The following ST6GALNAC4 variants were observed in gnomAD, a reference collection of about 807,000 sequenced individuals.
ST6GALNAC4 encodes alpha-N-acetyl-neuraminyl-2,3-beta-galactosyl-1,3-N-acetyl-galactosaminide alpha-2,6-sialyltransferase.
A neutral mutation model predicts 30.4 loss-of-function variants in ST6GALNAC4; 24 were observed. The observed-to-expected ratio is 0.79, with a 90% CI of 0.57 to 1.11. The LOEUF (loss-of-function observed/expected upper bound fraction) is 1.11. Ranked by LOEUF, ST6GALNAC4 falls within the 50% of genes most tolerant of loss-of-function variation. The pLI, the probability that ST6GALNAC4 is intolerant of heterozygous loss-of-function variation, is 0.00. For missense variants in ST6GALNAC4, 365 were observed against 430.1 expected, an observed-to-expected ratio of 0.85 and a Z score of 1.34; for synonymous variants, 156 against 179.7, an observed-to-expected ratio of 0.87 and a Z score of 1.05.
chr9:127,915,536 G>A (rs1179331110), intron 2 of ST6GALNAC4, among the ~76,000 whole-genome samples: 1 of 152,260 alleles, frequency 6.6e-6, no homozygotes, highest in African/African-American at 2.4e-5. Context: ...GTGCCTGGAG[G>A]CTACCGCCTC....
At chr9:127,916,677 GC>G in intron 1 of ST6GALNAC4, 148 bp downstream of exon 1, 1 of 569,684 alleles carries the variant, frequency 1.8e-6, no homozygotes, top group Admixed American at 3.1e-5. Context: ...GCAGGAATCA[GC>G]GACGTTTGCG....
At chr9:127,912,973 G>A (rs990983210) in intron 3 of ST6GALNAC4, among the ~76,000 whole-genome samples, 24 of 152,320 alleles carry the variant, frequency 1.6e-4, no homozygotes, top group African/African-American at 4.3e-4. Context: ...GAGTCCTTAT[G>A]AGGTTTGCTT....
In ST6GALNAC4 at chr9:127,908,591, G is replaced by A. The variant is rs1358632287; in HGVS notation, c.720-10C>T. The A allele has an allele frequency of 4.5e-6, 7 of 1,563,348 alleles. No individual in the cohort carries two copies. The highest frequency in any genetic ancestry group is 2.3e-5 in the East Asian group (1 of 43,446). On this transcript the variant is annotated splice_polypyrimidine_tract_variant and intron_variant, in intron 5 of 5. Transcript: ENST00000335791. Reference sequence around the variant, plus strand: ...GGGGTGGCTCTTCTCCCTGCGGGGTGGGGAACAGGGCTGGGGTGGGACAGA... The same window carrying A: ...GGGGTGGCTCTTCTCCCTGCGGGGTAGGGAACAGGGCTGGGGTGGGACAGA...
chr9:127,912,918 G>A lies in ST6GALNAC4; in HGVS notation c.199-238C>T, dbSNP rs559530299. Among the ~76,000 whole-genome samples the A allele has an allele frequency of 6.6e-5, 10 of 152,316 alleles. No individual in the cohort carries two copies. The South Asian group carries it at 2.1e-3, about 32-fold the overall frequency. Reference sequence around the variant, plus strand: ...CACTTCCTCATCAGCCATATTTGTGGTCCTTATTCCTGTTGCTGCCTCTGA... The same window carrying A: ...CACTTCCTCATCAGCCATATTTGTGATCCTTATTCCTGTTGCTGCCTCTGA... On this transcript the variant is annotated intron_variant, in intron 3 of 5. Coordinates refer to ENST00000335791, the MANE Select transcript of ST6GALNAC4 (RefSeq NM_175039.4).
chr9:127,914,035 G>A (rs954944271), intron 3 of ST6GALNAC4, among the ~76,000 whole-genome samples: 2 of 151,946 alleles, frequency 1.3e-5, no homozygotes, highest in Admixed American at 6.6e-5. Flanking sequence ...AGCTGAGATC[G>A]CACTACTGCA....
chr9:127,908,680 T>C, intron 5 of ST6GALNAC4, 99 bp from the exon 6 acceptor site: 1 of 1,174,106 alleles, frequency 8.5e-7, no homozygotes, highest in Admixed American at 2.9e-5. Context: ...GCCCATGGGC[T>C]CGTGAAGACC....
intron 4 of ST6GALNAC4, chr9:127,910,375 G>A (rs1831049964): frequency 1.7e-6 from 2 of 1,143,542 alleles, no homozygotes; most frequent in South Asian, 4.0e-5. Context: ...CCTCATCTAA[G>A]GGACCAGGCC....
intron 4 of ST6GALNAC4, 140 bp from the exon 5 acceptor site, chr9:127,910,198 A>T: frequency 1.4e-6 from 2 of 1,410,738 alleles, no homozygotes; most frequent in Non-Finnish European, 1.9e-6. Context: ...GAGGCTGGGG[A>T]GGGGACAGAG....
rs1327181603 is a variant in ST6GALNAC4 at position 127,912,292 on chromosome 9, A to C, written c.587T>G (p.Phe196Cys). 6.2e-7 allele frequency: 1 copy of C among 1,611,882 alleles called. No individual in the cohort carries two copies. ...ERMMAYCDQI[F>C]QDETGKNRRQ... ...CCGGTTCTTGCCCGTCTCGTCCTGG[A>C]AGATCTGGTCGCAGTAGGCCATCAT... Residue 196 changes from phenylalanine to cysteine, a missense_variant, in exon 4 of 6, where the codon TTC (phenylalanine) becomes TGC (cysteine). Physicochemically the swap from Phe to Cys is radical, Grantham distance 205. Transcript: ENST00000335791.
chr9:127,910,432 T>A, intron 4 of ST6GALNAC4: 1 of 1,054,286 alleles, frequency 9.5e-7, no homozygotes, highest in Non-Finnish European at 1.1e-6. Flanking sequence ...TGAAGTCAGG[T>A]GGGGGTTCTC....
At position 127,910,187 on chromosome 9, in the gene ST6GALNAC4, G is replaced by A; in HGVS notation, c.612-129C>T. On this transcript the variant is annotated intron_variant, in intron 4 of 5. Coordinates refer to ENST00000335791, the MANE Select transcript of ST6GALNAC4 (RefSeq NM_175039.4). The stretch of plus-strand genomic sequence containing the variant: ...TCAACCTCTTGCGGGGGGCTCTGGG[G>A]GAGGCTGGGGAGGGGACAGAGCCAG... The A allele has an allele frequency of 4.8e-6, 7 of 1,453,666 alleles. No individual in the cohort carries two copies. The South Asian group carries it at 9.7e-5, about 20-fold the overall frequency. 90.0% of individuals were successfully genotyped at this position (1,453,666 alleles called of 1,614,324 possible).
rs759050965 is a variant in ST6GALNAC4, at chr9:127,908,561, A to C, written c.740T>G (p.Val247Gly). 5.0e-6 allele frequency: 8 copies of C among 1,585,614 alleles called. No individual in the cohort carries two copies. In the East Asian group the frequency reaches 1.8e-4, roughly 36 times the overall value. The stretch of plus-strand genomic sequence containing the variant: ...GCCCTTCTCAAAGTAGTGGTAAGGC[A>C]CTGAGGGGTGGCTCTTCTCCCTGCG... ...SYCREKSHPS[V>G]PYHYFEKGRL... Residue 247 changes from valine (V) to glycine (G), a missense_variant, in exon 6 of 6, where the codon GTG (valine) becomes GGG (glycine). Transcript: ENST00000335791.
chr9:127,910,611 C>T (rs1485260178), intron 4 of ST6GALNAC4: 1 of 989,780 alleles, frequency 1.0e-6, no homozygotes, highest in Non-Finnish European at 1.2e-6. Context: ...CCATGCCCCA[C>T]TCAGAGCAAG....
chr9:127,914,861 T>G lies in ST6GALNAC4; in HGVS notation c.13-20A>C. On this transcript the variant is annotated intron_variant, in intron 2 of 5. Transcript: ENST00000335791. ...CCGACCCTGAGGGAGACAGTGGCCA[T>G]GGGGGGGTGTATGTGGGGAGGGGCT... is the stretch of plus-strand genomic sequence containing the variant. The G allele has an allele frequency of 2.1e-6, 3 of 1,451,220 alleles. No homozygotes were observed. The highest frequency in any genetic ancestry group is 2.6e-5 in the East Asian group (1 of 38,126). The allele number at this position is 1,451,220 out of a possible 1,614,324, so 89.9% of individuals were successfully genotyped here. A position where few individuals can be genotyped will look rare whatever the true frequency, so the allele number is the denominator to read the frequency against.
Position 127,908,330 on chromosome 9 carries a change from G to T in ST6GALNAC4, c.*62C>A. Reference sequence around the variant, plus strand: ...ATTAAATGTTTTTGTGGAGTGTGATGGCTTGGGATGGGACATCCCGGAGGC... The same window carrying T: ...ATTAAATGTTTTTGTGGAGTGTGATTGCTTGGGATGGGACATCCCGGAGGC... On this transcript the variant is annotated 3_prime_UTR_variant, in exon 6 of 6. Coordinates refer to ENST00000335791, the MANE Select transcript of ST6GALNAC4 (RefSeq NM_175039.4). 2 of 1,438,522 alleles carry T rather than the reference G, an allele frequency of 1.4e-6. No individual in the cohort carries two copies. The highest frequency in any genetic ancestry group is 1.5e-5 in the South Asian group (1 of 65,818). The allele number at this position is 1,438,522 out of a possible 1,614,324, so 89.1% of individuals were successfully genotyped here. A position where few individuals can be genotyped will look rare whatever the true frequency, so the allele number is the denominator to read the frequency against.
chr9:127,912,966 T>G (rs144000624), intron 3 of ST6GALNAC4, among the ~76,000 whole-genome samples: 20 of 152,284 alleles, frequency 1.3e-4, no homozygotes, highest in African/African-American at 4.1e-4. Flanking sequence ...ACGTAATGAG[T>G]CCTTATGAGG....
chr9:127,910,578 G>A, intron 4 of ST6GALNAC4: 1 of 990,712 alleles, frequency 1.0e-6, no homozygotes, highest in Non-Finnish European at 1.2e-6. Context: ...AACACTGTCA[G>A]CCCAGCCCCT....
chr9:127,908,811 T>C (rs1248577456), intron 5 of ST6GALNAC4, among the ~76,000 whole-genome samples: 1 of 152,160 alleles, frequency 6.6e-6, no homozygotes, highest in Non-Finnish European at 1.5e-5. Context: ...ATGGACGCTG[T>C]GAGCCTCAAG....
rs376917631 is a variant in ST6GALNAC4, at chr9:127,912,411, G to A, written c.468C>T (p.His156=). ...TGCGGCCGCCGAGCACCCGGTCCAT[G>A]TGCCTGCCCTGGCCCCACACCATGT... ...TLYMVWGQGR[H]MDRVLGGRTY... Residue 156 remains histidine (H), a synonymous_variant, in exon 4 of 6, where the codon CAC becomes CAT. Transcript: ENST00000335791. The A allele has an allele frequency of 9.7e-4, 1,558 of 1,614,154 alleles. 25 individuals are homozygous for A. In the South Asian group the frequency reaches 0.016, roughly 17 times the overall value.
Sources: allele counts gnomAD v4.1 joint callset (sites outside exome capture counted in the v4.1 genomes callset), GRCh38; gene constraint gnomAD v4.1.1; transcripts MANE v1.5; gene names NCBI Gene and HGNC (gene_info 2026-07-23, HGNC 2026-07-21).